HRH1: variants seen among roughly 807,000 people sequenced by gnomAD.
HRH1 encodes the protein histamine receptor H1.
In HRH1, 6 loss-of-function variants were observed where a neutral mutation model predicts 10.3. That is an observed-to-expected ratio of 0.58 (90% confidence interval 0.32 to 1.15). The LOEUF (loss-of-function observed/expected upper bound fraction) is 1.15, where lower values mean the gene tolerates loss of function less well. Ranked by LOEUF, HRH1 falls within the 50% of genes most tolerant of loss-of-function variation. The pLI, the probability that HRH1 is intolerant of heterozygous loss-of-function variation, is 0.05. For synonymous variants in HRH1, 242 were observed against 236.7 expected (o/e 1.02, Z -0.21); for missense variants, 514 against 615.3 (o/e 0.84, Z 1.74).
intron 1 of HRH1, among the ~76,000 whole-genome samples, chr3:11,239,468 C>T (rs148105517): frequency 2.6e-5 from 4 of 152,222 alleles, no homozygotes; most frequent in African/African-American, 7.2e-5. Flanking sequence ...CATTCCATAG[C>T]TTTTCATTTT....
chr3:11,166,967 G>GC (rs1357980121), intron 1 of HRH1, among the ~76,000 whole-genome samples: 2 of 145,180 alleles, frequency 1.4e-5, no homozygotes, highest in Non-Finnish European at 3.0e-5. Flanking sequence ...GACATCTGCT[G>GC]CCCCCTGGCT....
At chr3:11,160,762 C>T (rs1351388793) in intron 1 of HRH1, among the ~76,000 whole-genome samples, 1 of 152,230 alleles carries the variant, frequency 6.6e-6, no homozygotes, top group African/African-American at 2.4e-5. Flanking sequence ...CAGTCATTGA[C>T]AGTAGATCTC....
At position 11,207,091 on chromosome 3, in the gene HRH1, G is replaced by A. The variant is rs554779877; in HGVS notation, c.-35-51912G>A. On this transcript the variant is annotated intron_variant, in intron 1 of 1. Transcript: ENST00000431010. ...TCAGGGAGGGCACAGCAGGTGCAGTGGCATGGAGGTGTGAGATACTGGGGT... is the reference window on the plus strand; with the variant it reads ...TCAGGGAGGGCACAGCAGGTGCAGTAGCATGGAGGTGTGAGATACTGGGGT... Among the ~76,000 whole-genome samples, 17 of 152,286 alleles carry A rather than the reference G, an allele frequency of 1.1e-4. No homozygotes were observed. In the South Asian group the frequency reaches 2.3e-3, roughly 20 times the overall value.
At chr3:11,189,888 T>C (rs1937510961) in intron 1 of HRH1, among the ~76,000 whole-genome samples, 1 of 152,078 alleles carries the variant, frequency 6.6e-6, no homozygotes, top group Admixed American at 6.5e-5. Flanking sequence ...AAACGAAAGT[T>C]GCAGCAAGCT....
At chr3:11,182,927 A>T (rs1405666465) in intron 1 of HRH1, among the ~76,000 whole-genome samples, 1 of 151,872 alleles carries the variant, frequency 6.6e-6, no homozygotes, top group Non-Finnish European at 1.5e-5. Context: ...CTCCTAGGAT[A>T]CTCCATCTCC....
At position 11,175,422 on chromosome 3, in the gene HRH1, T is replaced by C. The variant is rs376996188; in HGVS notation, c.-36+20868T>C. Among the ~76,000 whole-genome samples the C allele has an allele frequency of 1.3e-4, 20 of 152,310 alleles. No homozygotes were observed. In the South Asian group the frequency reaches 3.5e-3, roughly 27 times the overall value. ...CAGGGGAAATGGGATGGGTTCCCAG[T>C]TGTATAGATTATGCTAGTGGGTCTG... On this transcript the variant is annotated intron_variant, in intron 1 of 1. Coordinates refer to ENST00000431010, the MANE Select transcript of HRH1 (RefSeq NM_001098212.2).
At chr3:11,159,015 AGGTG>A (rs1261855680) in intron 1 of HRH1, among the ~76,000 whole-genome samples, 2 of 152,236 alleles carry the variant, frequency 1.3e-5, no homozygotes, top group African/African-American at 4.8e-5. Flanking sequence ...TGGGAGGCCG[AGGTG>A]GGTGGATCAC....
intron 1 of HRH1, among the ~76,000 whole-genome samples, chr3:11,205,496 A>G (rs530054269): frequency 6.6e-6 from 1 of 152,290 alleles, no homozygotes; most frequent in East Asian, 1.9e-4. Context: ...GAACTGGGAT[A>G]ACAACATCAA....
intron 1 of HRH1, among the ~76,000 whole-genome samples, chr3:11,247,235 T>C (rs1308610905): frequency 6.6e-6 from 1 of 152,102 alleles, no homozygotes; most frequent in African/African-American, 2.4e-5. Flanking sequence ...GGCAGGAGAA[T>C]TGCTTGAACC....
At chr3:11,193,794 C>CAGGCCTCTCGTGTA (rs1356715547) in intron 1 of HRH1, among the ~76,000 whole-genome samples, 1 of 152,202 alleles carries the variant, frequency 6.6e-6, no homozygotes, top group Non-Finnish European at 1.5e-5. Flanking sequence ...GAGTCTCTGT[C>CAGGCCTCTCGTGTA]AGGCCTCTCG....
rs181748432 is a variant in HRH1, at chr3:11,164,259, A to G, written c.-36+9705A>G. ...GCGACAGGGAGGTTAACAGGAAGTA[A>G]TTAAGATGCTCAAGGTGGGTAGGGG... On this transcript the variant is annotated intron_variant, in intron 1 of 1. Coordinates refer to ENST00000431010, the MANE Select transcript of HRH1 (RefSeq NM_001098212.2). Among the ~76,000 whole-genome samples the G allele has an allele frequency of 3.3e-3, 504 of 152,326 alleles. 3 individuals carry two copies. The highest frequency in any genetic ancestry group is 2.4e-3 in the Non-Finnish European group (162 of 68,038).
intron 1 of HRH1, among the ~76,000 whole-genome samples, chr3:11,252,253 G>T (rs1330727788): frequency 6.6e-6 from 1 of 152,162 alleles, no homozygotes; most frequent in Non-Finnish European, 1.5e-5. Flanking sequence ...ATTTGCCTTT[G>T]TAATTAAATG....
chr3:11,176,954 G>A (rs142181750), intron 1 of HRH1, among the ~76,000 whole-genome samples: 4 of 152,042 alleles, frequency 2.6e-5, no homozygotes, highest in East Asian at 1.9e-4. Context: ...TTAGTTGGGC[G>A]TGGTGGCACA....
intron 1 of HRH1, among the ~76,000 whole-genome samples, chr3:11,171,109 G>GT (rs1232509772): frequency 2.1e-5 from 3 of 143,920 alleles, no homozygotes; most frequent in South Asian, 2.1e-4. Flanking sequence ...GGGTTTTGGG[G>GT]TTTTTTTTCT....
Position 11,212,698 on chromosome 3 carries a change from C to T in HRH1, c.-35-46305C>T, listed in dbSNP as rs117112717. Reference sequence around the variant, plus strand: ...TGAGAAAAAGTCCACAAGTACCTTTCGGCATTCATTCACGTAATCCATCAG... The same window carrying T: ...TGAGAAAAAGTCCACAAGTACCTTTTGGCATTCATTCACGTAATCCATCAG... On this transcript the variant is annotated intron_variant, in intron 1 of 1. Transcript: ENST00000431010. 1.3e-4 allele frequency among the ~76,000 whole-genome samples: 20 copies of T among 152,310 alleles called. No homozygotes were observed. The East Asian group carries it at 2.7e-3, about 21-fold the overall frequency.
At chr3:11,249,070 C>T (rs904596313) in intron 1 of HRH1, among the ~76,000 whole-genome samples, 1 of 151,976 alleles carries the variant, frequency 6.6e-6, no homozygotes, top group Non-Finnish European at 1.5e-5. Context: ...TTAGTTTTAT[C>T]ATTGGGTATG....
At chr3:11,147,652 T>C (rs61143939) in intron 1 of HRH1, among the ~76,000 whole-genome samples, 21,626 of 152,208 alleles carry the variant, frequency 0.14, 1,763 homozygotes, top group East Asian at 0.3. Flanking sequence ...AACCGTTCCC[T>C]CAATATCATT....
chr3:11,183,836 C>T (rs1937403061), intron 1 of HRH1, among the ~76,000 whole-genome samples: 1 of 149,408 alleles, frequency 6.7e-6, no homozygotes, highest in African/African-American at 2.5e-5. Flanking sequence ...TGTGATGAAA[C>T]CCACAGTAGG....
chr3:11,252,820 C>G (rs1939687073), intron 1 of HRH1: 1 of 152,146 alleles, frequency 6.6e-6, no homozygotes, highest in Non-Finnish European at 1.5e-5. Context: ...TTTCTCTTTA[C>G]TACTTCCCCA....
Sources: gnomAD v4.1 joint callset for allele counts (sites outside exome capture counted in the v4.1 genomes callset) on GRCh38, gnomAD v4.1.1 for gene constraint, MANE v1.5 for transcripts, NCBI Gene and HGNC (gene_info 2026-07-23, HGNC 2026-07-21) for gene names.